Variants in LYPLAL1 observed in about 807,000 individuals in gnomAD.
LYPLAL1 encodes lysophospholipase-like protein 1.
In LYPLAL1, 23 loss-of-function variants were observed where a neutral mutation model predicts 19.7. The ratio of observed to expected loss-of-function variants is 1.17; its 90% CI spans 0.84 to 1.65. The LOEUF is 1.65. LYPLAL1 is among the 40% of genes most tolerant of loss of function. The pLI is 0.00. For synonymous variants in LYPLAL1, 119 were observed against 96.3 expected (o/e 1.24, Z -1.38); for missense variants, 355 against 279.4 (o/e 1.27, Z -1.93).
At chr1:219,422,956 G>A in the LYPLAL1 span, among the ~76,000 whole-genome samples, 2 of 152,102 alleles carry the variant, frequency 1.3e-5, no homozygotes, top group African/African-American at 2.4e-5. Flanking sequence ...GAAAATCCAT[G>A]AGCTTGCACA....
chr1:219,402,430 A>G, the LYPLAL1 span, among the ~76,000 whole-genome samples: 4 of 152,180 alleles, frequency 2.6e-5, no homozygotes, highest in Non-Finnish European at 5.9e-5. Context: ...TTGTTTAAAC[A>G]TGATCATTTA....
chr1:219,342,823 T>C, the LYPLAL1 span, among the ~76,000 whole-genome samples: 1 of 152,224 alleles, frequency 6.6e-6, no homozygotes, highest in Non-Finnish European at 1.5e-5. Context: ...TAGTTTAAGT[T>C]GGTTAGCATT....
At chr1:219,279,967 C>T in the LYPLAL1 span, among the ~76,000 whole-genome samples, 1 of 152,188 alleles carries the variant, frequency 6.6e-6, no homozygotes, top group African/African-American at 2.4e-5. Context: ...AGGCTGATAT[C>T]TTTAAGAGAG....
the LYPLAL1 span, among the ~76,000 whole-genome samples, chr1:219,329,082 C>G: frequency 6.6e-6 from 1 of 150,522 alleles, no homozygotes; most frequent in Non-Finnish European, 1.5e-5. Flanking sequence ...TCTGTTCCTT[C>G]TCCATTTTTG....
chr1:219,428,787 T>C, the LYPLAL1 span, among the ~76,000 whole-genome samples: 1 of 152,366 alleles, frequency 6.6e-6, no homozygotes, highest in Admixed American at 6.5e-5. Context: ...TTTCTTTCTC[T>C]CCACCTGGCA....
At chr1:219,294,681 G>A in the LYPLAL1 span, among the ~76,000 whole-genome samples, 1 of 152,154 alleles carries the variant, frequency 6.6e-6, no homozygotes. Context: ...TAATAGCTAA[G>A]TACACATGCA....
chr1:219,385,610 G>T, the LYPLAL1 span, among the ~76,000 whole-genome samples: 59 of 152,098 alleles, frequency 3.9e-4, no homozygotes, highest in African/African-American at 1.3e-3. Context: ...GCAAGGGGAA[G>T]GGCAATAAAG....
At chr1:219,237,681 A>T in the LYPLAL1 span, among the ~76,000 whole-genome samples, 1 of 151,868 alleles carries the variant, frequency 6.6e-6, no homozygotes, top group African/African-American at 2.4e-5. Context: ...TCAAATTTCA[A>T]CTTAGACTTC....
At chr1:219,427,023 C>T in the LYPLAL1 span, among the ~76,000 whole-genome samples, 1 of 152,216 alleles carries the variant, frequency 6.6e-6, no homozygotes, top group Admixed American at 6.5e-5. Flanking sequence ...TACCTCCTAG[C>T]CCCATATTAT....
the LYPLAL1 span, among the ~76,000 whole-genome samples, chr1:219,325,654 T>G: frequency 6.6e-6 from 1 of 152,198 alleles, no homozygotes; most frequent in Non-Finnish European, 1.5e-5. Context: ...TATTTTTTCC[T>G]TCATCACTTC....
At chr1:219,335,738 A>T in the LYPLAL1 span, among the ~76,000 whole-genome samples, 1 of 151,848 alleles carries the variant, frequency 6.6e-6, no homozygotes, top group Non-Finnish European at 1.5e-5. Context: ...TATCCACTGA[A>T]CACTTTAATG....
At chr1:219,265,284 A>T in the LYPLAL1 span, among the ~76,000 whole-genome samples, 1 of 152,224 alleles carries the variant, frequency 6.6e-6, no homozygotes, top group Non-Finnish European at 1.5e-5. Flanking sequence ...ATAAAGGCTT[A>T]TTACATTCTT....
At chr1:219,295,869 C>G in the LYPLAL1 span, among the ~76,000 whole-genome samples, 1 of 152,188 alleles carries the variant, frequency 6.6e-6, no homozygotes, top group East Asian at 1.9e-4. Flanking sequence ...TCAGCACCTT[C>G]CGCTAAATCC....
At chr1:219,366,959 C>G in the LYPLAL1 span, among the ~76,000 whole-genome samples, 2 of 151,618 alleles carry the variant, frequency 1.3e-5, no homozygotes, top group Non-Finnish European at 2.9e-5. Flanking sequence ...TTGGTAGAGC[C>G]CACATAGGAA....
At chr1:219,261,294 T>G in the LYPLAL1 span, among the ~76,000 whole-genome samples, 1 of 152,292 alleles carries the variant, frequency 6.6e-6, no homozygotes, top group African/African-American at 2.4e-5. Context: ...CATCGTCCTG[T>G]GTATGATTCT....
chr1:219,310,695 T>C, the LYPLAL1 span, among the ~76,000 whole-genome samples: 1 of 152,072 alleles, frequency 6.6e-6, no homozygotes, highest in South Asian at 2.1e-4. Flanking sequence ...TGAAGTGAAA[T>C]AAAATTTGTC....
At chr1:219,190,176 A>G (rs1366777114) in intron 2 of LYPLAL1, among the ~76,000 whole-genome samples, 8 of 151,624 alleles carry the variant, frequency 5.3e-5, no homozygotes, top group East Asian at 1.9e-4. Context: ...CACTGCATGT[A>G]TGATATAGAA....
At chr1:219,250,239 T>C in the LYPLAL1 span, among the ~76,000 whole-genome samples, 4 of 151,878 alleles carry the variant, frequency 2.6e-5, no homozygotes, top group Non-Finnish European at 5.9e-5. Context: ...TGTATGGATA[T>C]TCAACTTACA....
At chr1:219,373,097 TG>T in the LYPLAL1 span, among the ~76,000 whole-genome samples, 3 of 152,204 alleles carry the variant, frequency 2.0e-5, no homozygotes, top group Non-Finnish European at 4.4e-5. Flanking sequence ...TGCTGGTGGC[TG>T]AAAAAAATGA....
Sources: gnomAD v4.1 joint callset for allele counts (sites outside exome capture counted in the v4.1 genomes callset) on GRCh38, gnomAD v4.1.1 for gene constraint, MANE v1.5 for transcripts, NCBI Gene and HGNC (gene_info 2026-07-23, HGNC 2026-07-21) for gene names.